Variants in KCNB2 observed in about 807,000 individuals in gnomAD.
KCNB2 encodes delayed rectifier potassium channel protein.
In KCNB2, 15 loss-of-function variants were observed where a neutral mutation model predicts 61.5. That is an observed-to-expected ratio of 0.24 (90% CI 0.16 to 0.38). The LOEUF is 0.38. Among genes scored for constraint, KCNB2 ranks in the 10% least tolerant of loss-of-function variants. KCNB2 has a pLI of 1.00. For synonymous variants in KCNB2, 457 were observed against 446.0 expected, an observed-to-expected ratio of 1.02 and a Z score of -0.31; for missense variants, 828 against 1,125.2, an observed-to-expected ratio of 0.74 and a Z score of 3.78.
intron 2 of KCNB2, among the ~76,000 whole-genome samples, chr8:72,901,744 G>A (rs1806096337): frequency 6.6e-6 from 1 of 152,276 alleles, no homozygotes; most frequent in Admixed American, 6.5e-5. Flanking sequence ...CTGAGTCAAG[G>A]TATATGCACT....
intron 2 of KCNB2, among the ~76,000 whole-genome samples, chr8:72,893,150 T>TATACCATATAAAATAGCA (rs1805929198): frequency 6.6e-6 from 1 of 152,026 alleles, no homozygotes; most frequent in Non-Finnish European, 1.5e-5. Flanking sequence ...GATTTGCTAT[T>TATACCATATAAAATAGCA]TATGAAGAGA....
At chr8:72,718,327 G>T in intron 2 of KCNB2, among the ~76,000 whole-genome samples, 1 of 152,120 alleles carries the variant, frequency 6.6e-6, no homozygotes, top group Non-Finnish European at 1.5e-5. Context: ...TATACCCAAA[G>T]GATTATAAAT....
chr8:72,713,221 T>A (rs113250396), intron 2 of KCNB2, among the ~76,000 whole-genome samples: 3,705 of 152,308 alleles, frequency 0.024, 64 homozygotes, highest in South Asian at 0.074. Flanking sequence ...CTCTGTAGGC[T>A]CCACCTCTGG....
chr8:72,739,868 T>C (rs1168643631), intron 2 of KCNB2, among the ~76,000 whole-genome samples: 2 of 152,180 alleles, frequency 1.3e-5, no homozygotes, highest in African/African-American at 4.8e-5. Context: ...TCTAACTTTC[T>C]AACTAAACAG....
At chr8:72,884,205 C>T (rs771132021) in intron 2 of KCNB2, among the ~76,000 whole-genome samples, 2 of 152,130 alleles carry the variant, frequency 1.3e-5, no homozygotes, top group Non-Finnish European at 2.9e-5. Flanking sequence ...TTGTGGACCA[C>T]GGGCATTTCT....
In KCNB2 at chr8:72,630,198, C is replaced by A. The variant is rs77181019; in HGVS notation, c.579+61885C>A. ...GTATTTACACTGTAGAAATTGGCAA[C>A]CATCACCATGAACTGATTGTTACAC... On this transcript the variant is annotated intron_variant, in intron 2 of 2. Coordinates refer to ENST00000523207, the MANE Select transcript of KCNB2 (RefSeq NM_004770.3). Among the ~76,000 whole-genome samples, 502 of 152,256 alleles carry A rather than the reference C, an allele frequency of 3.3e-3. 8 individuals carry two copies. In the East Asian group the frequency reaches 0.074, roughly 22 times the overall value.
chr8:72,734,687 A>T (rs1189315910), intron 2 of KCNB2, among the ~76,000 whole-genome samples: 1 of 152,224 alleles, frequency 6.6e-6, no homozygotes, highest in Non-Finnish European at 1.5e-5. Context: ...AATACCAAGT[A>T]GACTGAACAC....
intron 2 of KCNB2, chr8:72,749,238 C>G (rs1386667915): frequency 6.6e-6 from 1 of 152,132 alleles, no homozygotes; most frequent in Non-Finnish European, 1.5e-5. Flanking sequence ...CATGCCTCAC[C>G]CTCCAGAGTA....
chr8:72,804,657 C>T (rs1809188101), intron 2 of KCNB2, among the ~76,000 whole-genome samples: 1 of 152,138 alleles, frequency 6.6e-6, no homozygotes, highest in South Asian at 2.1e-4. Context: ...TTGAAAATGA[C>T]TTGTGGGGCT....
In KCNB2 at chr8:72,691,065, G is replaced by A. The variant is rs145384278; in HGVS notation, c.579+122752G>A. Among the ~76,000 whole-genome samples, 290 of 152,230 alleles carry A rather than the reference G, an allele frequency of 1.9e-3. 2 individuals carry two copies. The highest frequency in any genetic ancestry group is 6.5e-3 in the African/African-American group (272 of 41,530). ...CCGTTTTCATATGATGGGCTGGTTCGACTCCCCCAGGCTAAGAGGCATTTA... is the reference window on the plus strand; with the variant it reads ...CCGTTTTCATATGATGGGCTGGTTCAACTCCCCCAGGCTAAGAGGCATTTA... On this transcript the variant is annotated intron_variant, in intron 2 of 2. Coordinates refer to ENST00000523207, the MANE Select transcript of KCNB2 (RefSeq NM_004770.3).
At chr8:72,792,653 C>T (rs1199880931) in intron 2 of KCNB2, among the ~76,000 whole-genome samples, 1 of 152,094 alleles carries the variant, frequency 6.6e-6, no homozygotes, top group African/African-American at 2.4e-5. Context: ...TGGTGGAATC[C>T]AGGCATATAT....
intron 2 of KCNB2, among the ~76,000 whole-genome samples, chr8:72,851,007 G>A (rs1036266461): frequency 1.3e-5 from 2 of 152,140 alleles, no homozygotes; most frequent in African/African-American, 4.8e-5. Context: ...GATTGGCATG[G>A]CATAAACCAA....
rs1283369012 is a variant in KCNB2, at chr8:72,638,416, G to A, written c.579+70103G>A. On this transcript the variant is annotated intron_variant, in intron 2 of 2. Transcript: ENST00000523207. Reference sequence around the variant, plus strand: ...ATTTCCACCTAGCACACTGACCACCGGGCTTCCTAAGTGTTGCTGATTCTT... The same window carrying A: ...ATTTCCACCTAGCACACTGACCACCAGGCTTCCTAAGTGTTGCTGATTCTT... 5.3e-5 allele frequency among the ~76,000 whole-genome samples: 8 copies of A among 152,082 alleles called. No individual in the cohort carries two copies. The South Asian group carries it at 1.2e-3, about 24-fold the overall frequency.
chr8:72,931,813 G>T (rs546766611), intron 2 of KCNB2, among the ~76,000 whole-genome samples: 1 of 152,284 alleles, frequency 6.6e-6, no homozygotes, highest in African/African-American at 2.4e-5. Context: ...CGGCATTTGA[G>T]ACCAGCCTGG....
intron 2 of KCNB2, among the ~76,000 whole-genome samples, chr8:72,800,605 A>C (rs1809109643): frequency 6.6e-6 from 1 of 151,960 alleles, no homozygotes; most frequent in Non-Finnish European, 1.5e-5. Flanking sequence ...TATTACCCAG[A>C]GCTCCATAAA....
At chr8:72,781,534 T>G (rs1399555567) in intron 2 of KCNB2, among the ~76,000 whole-genome samples, 2 of 152,158 alleles carry the variant, frequency 1.3e-5, no homozygotes, top group African/African-American at 2.4e-5. Context: ...TGTGCAGTCT[T>G]ATTTCTGAGA....
In KCNB2 at chr8:72,936,854, C is replaced by T. The variant is rs1806914607; in HGVS notation, c.1499C>T (p.Ser500Leu). The T allele has an allele frequency of 1.2e-6, 2 of 1,614,060 alleles. No individual in the cohort carries two copies. Among genetic ancestry groups the T allele is most frequent in the Admixed American group, 3.3e-5 (2 of 60,010 alleles). ...SRWKWARKALSETSSNKSFEN... is the reference protein window; with the variant it reads ...SRWKWARKALLETSSNKSFEN... ...TGGAAGTGGGCCAGGAAGGCTCTGT[C>T]GGAAACAAGCTCCAACAAGTCTTTC... The change falls in exon 3 of 3, where the codon TCG becomes TTG. Residue 500 changes from serine (S) to leucine (L), a missense_variant. Ser to Leu is a moderately radical substitution (Grantham distance 145). This residue lies in a region of KCNB2 where 559 missense variants were observed against 588.4 expected (regional missense o/e 0.95). Transcript: ENST00000523207. This position sits in a 1 kb window ranked among gnomAD's most constrained non-coding sequence, Gnocchi z 5.6.
intron 2 of KCNB2, among the ~76,000 whole-genome samples, chr8:72,829,721 C>T (rs1190101927): frequency 6.6e-6 from 1 of 152,048 alleles, no homozygotes; most frequent in African/African-American, 2.4e-5. Flanking sequence ...ATGGTACATT[C>T]CAATATTACC....
chr8:72,695,689 CT>C (rs150472496), intron 2 of KCNB2, among the ~76,000 whole-genome samples: 2 of 151,586 alleles, frequency 1.3e-5, no homozygotes, highest in East Asian at 1.9e-4. Context: ...AATACCTACT[CT>C]TTTTTTTTCT....
Sources: allele counts gnomAD v4.1 joint callset (sites outside exome capture counted in the v4.1 genomes callset), GRCh38; gene constraint gnomAD v4.1.1; regional missense constraint gnomAD v4.1.1; non-coding constraint Gnocchi (gnomAD v3.1); transcripts MANE v1.5; gene names NCBI Gene and HGNC (gene_info 2026-07-23, HGNC 2026-07-21).